Variants in DPP6 observed in about 807,000 individuals in gnomAD.
The protein encoded by DPP6 is A-type potassium channel modulatory protein DPP6.
Under a neutral mutation model 122.6 loss-of-function variants are expected in DPP6, and 69 were observed. The observed-to-expected ratio is 0.56, with a 90% CI of 0.46 to 0.69. The LOEUF is 0.69. DPP6 is among the 30% of genes least tolerant of loss of function. The pLI, the probability that DPP6 is intolerant of heterozygous loss-of-function variation, is 0.00. For missense variants in DPP6, 928 were observed against 1,116.9 expected, an observed-to-expected ratio of 0.83 and a Z score of 2.41; for synonymous variants, 418 against 433.1, an observed-to-expected ratio of 0.97 and a Z score of 0.43.
At chr7:154,024,181 C>T (rs76198798) in intron 1 of DPP6, among the ~76,000 whole-genome samples, 22 of 151,018 alleles carry the variant, frequency 1.5e-4, no homozygotes, top group Admixed American at 3.3e-4. Context: ...TTGAATTAAA[C>T]GACTAAACCT....
intron 1 of DPP6, among the ~76,000 whole-genome samples, chr7:154,128,843 G>A (rs1262677434): frequency 6.7e-6 from 1 of 149,030 alleles, no homozygotes; most frequent in African/African-American, 2.4e-5. Context: ...CCCTGACCCT[G>A]GGAGGTATAA....
intron 10 of DPP6, among the ~76,000 whole-genome samples, chr7:154,792,037 T>A (rs1797713809): frequency 6.6e-6 from 1 of 152,266 alleles, no homozygotes; most frequent in African/African-American, 2.4e-5. Context: ...ATAGGATGAA[T>A]GAATGTTTCC....
intron 1 of DPP6, among the ~76,000 whole-genome samples, chr7:153,927,226 T>C (rs1323332630): frequency 6.6e-6 from 1 of 152,162 alleles, no homozygotes. Context: ...GGTGGGAGGA[T>C]CACTTGAGTG....
intron 10 of DPP6, among the ~76,000 whole-genome samples, chr7:154,790,871 G>GA (rs1302264098): frequency 2.3e-5 from 3 of 132,088 alleles, no homozygotes; most frequent in East Asian, 5.3e-4. Flanking sequence ...GGGAGGGAGG[G>GA]AAAAAAGAGA....
At chr7:154,445,110 A>G (rs1465366549) in intron 1 of DPP6, among the ~76,000 whole-genome samples, 1 of 152,214 alleles carries the variant, frequency 6.6e-6, no homozygotes, top group Admixed American at 6.5e-5. Flanking sequence ...GACACATTCT[A>G]AAGAACTTTT....
At chr7:154,292,780 A>T (rs905441581) in intron 1 of DPP6, among the ~76,000 whole-genome samples, 2 of 152,208 alleles carry the variant, frequency 1.3e-5, no homozygotes, top group Non-Finnish European at 2.9e-5. Context: ...CCAATAGCTC[A>T]TAGGAAATCG....
chr7:154,215,050 T>C (rs563728453), intron 1 of DPP6, among the ~76,000 whole-genome samples: 4 of 152,278 alleles, frequency 2.6e-5, no homozygotes, highest in South Asian at 2.1e-4. Context: ...TATTAGCCCA[T>C]TTTCACAGTG....
At chr7:154,804,308 A>T (rs1289103007) in intron 14 of DPP6, among the ~76,000 whole-genome samples, 1 of 152,228 alleles carries the variant, frequency 6.6e-6, no homozygotes, top group African/African-American at 2.4e-5. Context: ...CAACAGTTCC[A>T]TGAGGTGAGT....
At chr7:154,060,620 A>G (rs1259036870) in intron 1 of DPP6, among the ~76,000 whole-genome samples, 14 of 132,964 alleles carry the variant, frequency 1.1e-4, no homozygotes, top group African/African-American at 2.3e-4. Flanking sequence ...CCTGGCTCTG[A>G]GGACCCCCAT....
At chr7:154,763,078 TCCCAGCACTTTGGGAGG>T (rs1795660881) in intron 8 of DPP6, among the ~76,000 whole-genome samples, 1 of 152,242 alleles carries the variant, frequency 6.6e-6, no homozygotes, top group Non-Finnish European at 1.5e-5. Context: ...ACGCCTGTAA[TCCCAGCACTTTGGGAGG>T]CCCAGGCGGG....
At chr7:154,441,639 G>A (rs1819380815) in intron 1 of DPP6, among the ~76,000 whole-genome samples, 1 of 152,198 alleles carries the variant, frequency 6.6e-6, no homozygotes, top group Non-Finnish European at 1.5e-5. Flanking sequence ...TTAACAGAGA[G>A]GAGAGAACAG....
chr7:154,086,779 C>T (rs60893424), intron 1 of DPP6, among the ~76,000 whole-genome samples: 3 of 151,858 alleles, frequency 2.0e-5, no homozygotes, highest in East Asian at 1.9e-4. Flanking sequence ...TCACCACGCC[C>T]GGCTAATTTT....
chr7:154,659,644 T>C (rs1038372940), intron 6 of DPP6, among the ~76,000 whole-genome samples: 1 of 152,246 alleles, frequency 6.6e-6, no homozygotes, highest in Non-Finnish European at 1.5e-5. Context: ...CCTTTGCTTC[T>C]AGTGGCAGAG....
chr7:154,794,982 A>G (rs1394161048), intron 11 of DPP6, among the ~76,000 whole-genome samples: 1 of 152,094 alleles, frequency 6.6e-6, no homozygotes, highest in Non-Finnish European at 1.5e-5. Flanking sequence ...TCCTAACACG[A>G]CAGCTGTGCC....
intron 4 of DPP6, among the ~76,000 whole-genome samples, chr7:154,558,730 G>A (rs1185392058): frequency 6.6e-6 from 1 of 152,200 alleles, no homozygotes; most frequent in Admixed American, 6.5e-5. Context: ...GTTCGTGTAG[G>A]TACTTTCTGT....
At chr7:153,937,476 T>C (rs1801509716) in intron 1 of DPP6, among the ~76,000 whole-genome samples, 1 of 132,838 alleles carries the variant, frequency 7.5e-6, no homozygotes, top group Non-Finnish European at 1.5e-5. Context: ...TTTGAGACAG[T>C]CTCACTTGGT....
chr7:153,889,136 T>G (rs1040774684), intron 1 of DPP6, among the ~76,000 whole-genome samples: 4 of 152,130 alleles, frequency 2.6e-5, no homozygotes, highest in Non-Finnish European at 5.9e-5. Context: ...TGGAGGGGCT[T>G]ACTCTTCAGG....
At chr7:154,808,024 G>A (rs1395803737) in intron 16 of DPP6, among the ~76,000 whole-genome samples, 1 of 152,026 alleles carries the variant, frequency 6.6e-6, no homozygotes, top group Non-Finnish European at 1.5e-5. Context: ...GGAAAGATAT[G>A]ATATGAACCC....
chr7:154,107,669 A>C (rs71203940), intron 1 of DPP6, among the ~76,000 whole-genome samples: 1 of 152,352 alleles, frequency 6.6e-6, no homozygotes, highest in East Asian at 1.9e-4. Context: ...AAAACATCAT[A>C]ATGGACCCCA....
Sources: gnomAD v4.1 joint callset for allele counts (sites outside exome capture counted in the v4.1 genomes callset) on GRCh38, gnomAD v4.1.1 for gene constraint, MANE v1.5 for transcripts, NCBI Gene and HGNC (gene_info 2026-07-23, HGNC 2026-07-21) for gene names.